SYT12: variants seen among roughly 807,000 people sequenced by gnomAD.
SYT12 encodes the protein synaptotagmin 12, also known as synaptotagmin-12.
Under a neutral mutation model 39.5 loss-of-function variants are expected in SYT12, and 27 were observed. That is an observed-to-expected ratio of 0.68 (90% CI 0.50 to 0.94). The LOEUF (loss-of-function observed/expected upper bound fraction) is 0.94. SYT12 is among the 40% of genes least tolerant of loss of function. The probability of loss-of-function intolerance (pLI) is 0.00; values close to 1 mark genes in which losing one functional copy is unlikely to be tolerated. For synonymous variants in SYT12, 233 were observed against 239.7 expected, an observed-to-expected ratio of 0.97 and a Z score of 0.26; for missense variants, 536 against 572.6, an observed-to-expected ratio of 0.94 and a Z score of 0.65.
At chr11:67,025,974 T>C (rs1950175392) in intron 1 of SYT12, among the ~76,000 whole-genome samples, 1 of 152,058 alleles carries the variant, frequency 6.6e-6, no homozygotes, top group Admixed American at 6.6e-5. Context: ...ACTTAACCTC[T>C]CTTAATCTCC....
chr11:67,017,664 C>CA (rs1381763073), intron 3 of SYT12, among the ~76,000 whole-genome samples: 1 of 150,272 alleles, frequency 6.7e-6, no homozygotes, highest in Non-Finnish European at 1.5e-5. Context: ...CCAGCCACAA[C>CA]AAAAAATTTT....
At chr11:67,037,767 A>C (rs1419900144) in intron 3 of SYT12, among the ~76,000 whole-genome samples, 2 of 151,816 alleles carry the variant, frequency 1.3e-5, no homozygotes, top group Non-Finnish European at 2.9e-5. Context: ...CTGTAATCCC[A>C]GCTACTCAGA....
upstream of SYT12, among the ~76,000 whole-genome samples, chr11:67,019,427 G>A (rs143874071): frequency 0.014 from 2,055 of 151,560 alleles, 57 homozygotes; most frequent in African/African-American, 0.047. Flanking sequence ...AGCCAAGATC[G>A]TGCCATTGCA....
chr11:67,030,260 A>G, intron 2 of SYT12, 82 bp downstream of exon 2: 2 of 1,495,074 alleles, frequency 1.3e-6, no homozygotes, highest in East Asian at 2.3e-5. Flanking sequence ...TCTGTGGGAC[A>G]TGAATAATTA....
rs142686531 is a variant in SYT12, at chr11:67,011,597, C to T, written c.-69+603C>T. On this transcript the variant is annotated intron_variant, in intron 3 of 10. Transcript: ENST00000393946. The stretch of plus-strand genomic sequence containing the variant: ...ATTGTCCCCAGATGGCAGGCATTGC[C>T]GGCTCTTTCCACACTGGGTCTGAGG... Among the ~76,000 whole-genome samples the T allele has an allele frequency of 3.9e-3, 597 of 152,200 alleles. 1 individual carries two copies. Among genetic ancestry groups the T allele is most frequent in the African/African-American group, 0.013 (548 of 41,520 alleles).
At chr11:67,042,456 A>G (rs1323146312) in intron 4 of SYT12, among the ~76,000 whole-genome samples, 1 of 152,188 alleles carries the variant, frequency 6.6e-6, no homozygotes, top group Non-Finnish European at 1.5e-5. Context: ...TTAGCCCCTG[A>G]CGCCAACAGG....
At chr11:67,016,723 G>C (rs1268859320) in intron 3 of SYT12, among the ~76,000 whole-genome samples, 1 of 152,174 alleles carries the variant, frequency 6.6e-6, no homozygotes, top group Non-Finnish European at 1.5e-5. Flanking sequence ...TCAGCTGAGG[G>C]TGTCTGGGAG....
chr11:67,039,587 C>G (rs1487713602), intron 3 of SYT12, among the ~76,000 whole-genome samples: 1 of 152,182 alleles, frequency 6.6e-6, no homozygotes, highest in African/African-American at 2.4e-5. Context: ...GCACTCCAGC[C>G]TGGGCAACAA....
intron 3 of SYT12, among the ~76,000 whole-genome samples, chr11:67,036,171 C>T (rs987435976): frequency 1.3e-5 from 2 of 152,056 alleles, no homozygotes; most frequent in Non-Finnish European, 1.5e-5. Flanking sequence ...CCCGCCTTGG[C>T]CTCCCAAAGT....
chr11:67,019,101 G>T (rs1220390028), upstream of SYT12, among the ~76,000 whole-genome samples: 1 of 151,230 alleles, frequency 6.6e-6, no homozygotes, highest in Non-Finnish European at 1.5e-5. Flanking sequence ...CACAATCATG[G>T]CAGAAGGCGA....
chr11:67,043,755 C>G lies in SYT12; in HGVS notation c.739C>G (p.Arg247Gly). The part of the protein sequence containing the change: ...FSVFGIDEDE[R>G]NVSTGVVELK... ...TGTATTTGGCATCGATGAGGATGAG[C>G]GCAACGTCAGCACGGGGGTGGTGGA... Residue 247 changes from arginine to glycine, a missense_variant, in exon 5 of 8, where the codon CGC (arginine) becomes GGC (glycine). Transcript: ENST00000527043. The G allele has an allele frequency of 6.2e-7, 1 of 1,614,118 alleles. No homozygotes were observed. Among genetic ancestry groups the G allele is most frequent in the Non-Finnish European group, 8.5e-7 (1 of 1,180,038 alleles).
chr11:67,030,275 T>C, intron 2 of SYT12, 97 bp downstream of exon 2: 1 of 1,382,376 alleles, frequency 7.2e-7, no homozygotes, highest in Non-Finnish European at 1.0e-6. Flanking sequence ...TAATTAGTCC[T>C]TGCCATTAAT....
intron 4 of SYT12, among the ~76,000 whole-genome samples, chr11:67,041,729 G>A (rs1048360836): frequency 2.0e-5 from 3 of 152,168 alleles, no homozygotes; most frequent in Admixed American, 6.5e-5. Context: ...TGGTCATCCC[G>A]CAACAATACT....
chr11:67,048,739 C>T lies in SYT12; in HGVS notation c.1248C>T (p.His416=), dbSNP rs377247530. 2.3e-4 allele frequency: 363 copies of T among 1,596,112 alleles called. No homozygotes were observed. Among genetic ancestry groups the T allele is most frequent in the Non-Finnish European group, 2.9e-4 (336 of 1,165,684 alleles). The change falls in exon 8 of 8, where the codon CAC becomes CAT. Residue 416 remains histidine (H), a synonymous_variant. Coordinates refer to ENST00000527043, the MANE Select transcript of SYT12 (RefSeq NM_177963.4). ...ATLRRPVSMW[H]AVRRN The stretch of plus-strand genomic sequence containing the variant: ...TGCGCAGGCCCGTGTCCATGTGGCA[C>T]GCTGTCCGGCGAAACTAGCAACCAG...
intron 7 of SYT12, among the ~76,000 whole-genome samples, chr11:67,047,948 G>A (rs1210859207): frequency 6.7e-6 from 1 of 148,996 alleles, no homozygotes; most frequent in East Asian, 2.1e-4. Context: ...CCACCAGGCC[G>A]GGCTAATTTT....
At chr11:67,037,492 C>T (rs1411333790) in intron 3 of SYT12, among the ~76,000 whole-genome samples, 1 of 151,778 alleles carries the variant, frequency 6.6e-6, no homozygotes, top group Non-Finnish European at 1.5e-5. Context: ...AGAAGGATCG[C>T]TTGAGCCCAG....
At position 67,014,475 on chromosome 11, in the gene SYT12, C is replaced by T. The variant is rs536674094; in HGVS notation, c.-69+3481C>T. 9.2e-5 allele frequency among the ~76,000 whole-genome samples: 14 copies of T among 152,364 alleles called. No homozygotes were observed. In the East Asian group the frequency reaches 1.7e-3, roughly 19 times the overall value. On this transcript the variant is annotated intron_variant, in intron 3 of 10. Coordinates refer to the SYT12 transcript ENST00000393946. ...CAGATCCAAGGGCTGGCTTCCCTGA[C>T]GCACCCAGCACCAGCTTCTCTGGAG...
rs1405349298 is a variant in SYT12, at chr11:67,032,943, G to A, written c.35-1702G>A. On this transcript the variant is annotated intron_variant, in intron 2 of 7. Transcript: ENST00000527043. ...AAAAAGAAAAAGAAAGAAAAGAAAA[G>A]AAAGTAGAGCCTTACAGGGTGCTCA... 5 of 153,532 alleles carry A rather than the reference G, an allele frequency of 3.3e-5. No individual in the cohort carries two copies. The East Asian group carries it at 7.6e-4, about 23-fold the overall frequency. 9.5% of individuals were successfully genotyped at this position (153,532 alleles called of 1,614,324 possible).
chr11:67,035,796 TCCTTCCTTCCTTCCTTCCTTCCTTCCTTC>T (rs1950357816), intron 3 of SYT12, among the ~76,000 whole-genome samples: 1 of 47,516 alleles, frequency 2.1e-5, no homozygotes, highest in Admixed American at 2.4e-4. Context: ...TTTCTTTCCT[TCCTTCCTTCCTTCCTTCCTTCCTTCCTTC>T]CTTCCTTCCT....
Sources: gnomAD v4.1 joint callset for allele counts (sites outside exome capture counted in the v4.1 genomes callset) on GRCh38, gnomAD v4.1.1 for gene constraint, MANE v1.5 for transcripts, NCBI Gene and HGNC (gene_info 2026-07-23, HGNC 2026-07-21) for gene names.